Variants in STK24 observed in about 807,000 individuals in gnomAD.
The protein encoded by STK24 is serine/threonine kinase 24.
Under a neutral mutation model 55.6 loss-of-function variants are expected in STK24, and 21 were observed. The observed-to-expected ratio is 0.38, with a 90% CI of 0.27 to 0.54. The LOEUF (loss-of-function observed/expected upper bound fraction) is 0.54, where lower values mean the gene tolerates loss of function less well. Among genes scored for constraint, STK24 ranks in the 20% least tolerant of loss-of-function variants. The pLI is 0.79. For synonymous variants in STK24, 200 were observed against 215.2 expected, an observed-to-expected ratio of 0.93 and a Z score of 0.62; for missense variants, 383 against 538.4, an observed-to-expected ratio of 0.71 and a Z score of 2.86.
chr13:98,522,172 T>A, intron 1 of STK24: 1 of 875,546 alleles, frequency 1.1e-6, no homozygotes, highest in Non-Finnish European at 1.4e-6. Context: ...AACTTTCCAG[T>A]CCTTTAGCAT....
Position 98,447,009 on chromosome 13 carries a change from C to A in STK24, c.*6164G>T, listed in dbSNP as rs984572388. On this transcript the variant is annotated 3_prime_UTR_variant, in exon 11 of 11. Transcript: ENST00000539966. ...ATGGCAGAAAGTGGGGTCCCAACTT[C>A]CCTGCGCCCTTACCCTGCACGGTGT... The A allele has an allele frequency of 1.2e-5, 7 of 593,844 alleles. No homozygotes were observed. In the Admixed American group the frequency reaches 2.0e-4, roughly 17 times the overall value. 36.8% of individuals were successfully genotyped at this position (593,844 alleles called of 1,614,324 possible).
At chr13:98,573,213 G>A (rs1276474470) in intron 1 of STK24, among the ~76,000 whole-genome samples, 1 of 152,164 alleles carries the variant, frequency 6.6e-6, no homozygotes, top group Admixed American at 6.5e-5. Flanking sequence ...TTTCTTACAT[G>A]GGTCACGGTT....
chr13:98,494,412 C>A (rs865957531), intron 2 of STK24, among the ~76,000 whole-genome samples: 299 of 66,630 alleles, frequency 4.5e-3, no homozygotes, highest in East Asian at 6.1e-3. Context: ...AGACTCGTCT[C>A]AAAAAAAAAA....
chr13:98,521,839 G>A (rs1555308608), intron 1 of STK24: 4 of 791,080 alleles, frequency 5.1e-6, no homozygotes, highest in East Asian at 2.4e-5. Flanking sequence ...CCAAAGCTGG[G>A]CTCTGGAGTC....
intron 2 of STK24, among the ~76,000 whole-genome samples, chr13:98,518,549 T>A (rs1355094340): frequency 6.6e-6 from 1 of 152,236 alleles, no homozygotes; most frequent in African/African-American, 2.4e-5. Context: ...CAGGTATATT[T>A]TGAGGAACTT....
chr13:98,475,677 C>T (rs1450286225), intron 3 of STK24, among the ~76,000 whole-genome samples: 8 of 151,740 alleles, frequency 5.3e-5, no homozygotes, highest in Non-Finnish European at 1.2e-4. Flanking sequence ...AGGGGCGGGG[C>T]GCAGGCTGAG....
chr13:98,464,138 T>C (rs957489649), intron 6 of STK24, among the ~76,000 whole-genome samples: 2 of 152,078 alleles, frequency 1.3e-5, no homozygotes, highest in African/African-American at 2.4e-5. Context: ...AATGATCTGG[T>C]CGGGCGCAGT....
intron 2 of STK24, among the ~76,000 whole-genome samples, chr13:98,487,129 T>C (rs1445619860): frequency 6.6e-6 from 1 of 152,206 alleles, no homozygotes; most frequent in African/African-American, 2.4e-5. Context: ...ATTCACGTAT[T>C]CTGCACCAGA....
chr13:98,490,716 A>G (rs1459574133), intron 2 of STK24, among the ~76,000 whole-genome samples: 1 of 152,070 alleles, frequency 6.6e-6, no homozygotes, highest in Non-Finnish European at 1.5e-5. Context: ...CCCGGATTGG[A>G]CAATGTGGAA....
chr13:98,513,769 G>A (rs1366527634), intron 2 of STK24, among the ~76,000 whole-genome samples: 1 of 152,210 alleles, frequency 6.6e-6, no homozygotes, highest in African/African-American at 2.4e-5. Flanking sequence ...CTGGGACTCT[G>A]CCTTTGAAGG....
chr13:98,552,320 C>T (rs1301661494), intron 1 of STK24, among the ~76,000 whole-genome samples: 1 of 152,118 alleles, frequency 6.6e-6, no homozygotes, highest in Admixed American at 6.5e-5. Flanking sequence ...ACCCTGGACG[C>T]TGGGTACCAA....
intron 2 of STK24, among the ~76,000 whole-genome samples, chr13:98,495,265 T>C (rs1895207351): frequency 6.6e-6 from 1 of 152,238 alleles, no homozygotes; most frequent in Non-Finnish European, 1.5e-5. Flanking sequence ...ATTACTTACC[T>C]GCAGTCCTTT....
intron 6 of STK24, among the ~76,000 whole-genome samples, chr13:98,465,946 A>T (rs1893912473): frequency 6.6e-6 from 1 of 152,246 alleles, no homozygotes; most frequent in Admixed American, 6.5e-5. Flanking sequence ...TGGCTTGGTT[A>T]TATTTTCTAA....
intron 2 of STK24, among the ~76,000 whole-genome samples, chr13:98,486,432 A>G (rs974055375): frequency 6.6e-6 from 1 of 152,232 alleles, no homozygotes; most frequent in African/African-American, 2.4e-5. Context: ...GAAACCTTCA[A>G]AGGTGAACAC....
chr13:98,570,993 T>C (rs1264014516), intron 1 of STK24, among the ~76,000 whole-genome samples: 1 of 152,048 alleles, frequency 6.6e-6, no homozygotes, highest in East Asian at 1.9e-4. Context: ...GCTAAGGCAT[T>C]AAAAGGCACA....
chr13:98,491,444 C>T (rs940079039), intron 2 of STK24, among the ~76,000 whole-genome samples: 1 of 152,102 alleles, frequency 6.6e-6, no homozygotes, highest in African/African-American at 2.4e-5. Flanking sequence ...GGAGAAAGGC[C>T]GCTGTAACAT....
Position 98,473,274 on chromosome 13 carries a change from G to GGAGAGGAAAGGAAGGAGGGAGGGGGGGA in STK24, c.597+1546_597+1547insTCCCCCCCTCCCTCCTTCCTTTCCTCTC, listed in dbSNP as rs370016107. 9.6e-4 allele frequency among the ~76,000 whole-genome samples: 2 copies of GGAGAGGAAAGGAAGGAGGGAGGGGGGGA among 2,080 alleles called. 1 individual carries two copies. Among genetic ancestry groups the GGAGAGGAAAGGAAGGAGGGAGGGGGGGA allele is most frequent in the Non-Finnish European group, 1.7e-3 (2 of 1,182 alleles). 1.4% of individuals were successfully genotyped at this position (2,080 alleles called of 152,430 possible). On this transcript the variant is annotated intron_variant, in intron 5 of 10. Coordinates refer to ENST00000539966, the MANE Select transcript of STK24 (RefSeq NM_001032296.4). ...AGAGAAGGAAGGGGAGGAAGGAAAGGGGAAAGGAAGGAGGGAGAGAGGGAA... is the reference window on the plus strand; with the variant it reads ...AGAGAAGGAAGGGGAGGAAGGAAAGGGAGAGGAAAGGAAGGAGGGAGGGGGGGAGGAAAGGAAGGAGGGAGAGAGGGAA...
Position 98,446,470 on chromosome 13 carries a change from C to T in STK24, c.*6703G>A. 1.6e-6 allele frequency: 1 copy of T among 622,046 alleles called. No homozygotes were observed. 38.5% of individuals were successfully genotyped at this position (622,046 alleles called of 1,614,324 possible). On this transcript the variant is annotated 3_prime_UTR_variant, in exon 11 of 11. Coordinates refer to ENST00000539966, the MANE Select transcript of STK24 (RefSeq NM_001032296.4). ...AAGGGACGGGGGTTGGCTTTATCTA[C>T]AGCTCAGTCCTGGCGGGACTTGCCA... is the stretch of plus-strand genomic sequence containing the variant.
At chr13:98,573,262 G>A (rs1003653149) in intron 1 of STK24, among the ~76,000 whole-genome samples, 3 of 152,176 alleles carry the variant, frequency 2.0e-5, no homozygotes, top group African/African-American at 7.2e-5. Flanking sequence ...TTTTGTAACA[G>A]AAATGTGCAA....
Sources: allele counts gnomAD v4.1 joint callset (sites outside exome capture counted in the v4.1 genomes callset), GRCh38; gene constraint gnomAD v4.1.1; transcripts MANE v1.5; gene names NCBI Gene and HGNC (gene_info 2026-07-23, HGNC 2026-07-21).